EXOC4: variants seen among roughly 807,000 people sequenced by gnomAD.
The protein encoded by EXOC4 is SEC8-like 1.
In EXOC4, 71 loss-of-function variants were observed where a neutral mutation model predicts 107.2. The ratio of observed to expected loss-of-function variants is 0.66; its 90% CI spans 0.55 to 0.81. EXOC4 has a LOEUF of 0.81. EXOC4 is among the 30% of genes least tolerant of loss of function. EXOC4 has a pLI of 0.00. For synonymous variants in EXOC4, 456 were observed against 441.2 expected (o/e 1.03, Z -0.42); for missense variants, 1,108 against 1,189.6 (o/e 0.93, Z 1.01).
intron 10 of EXOC4, among the ~76,000 whole-genome samples, chr7:133,656,509 G>A (rs73150859): frequency 0.072 from 10,982 of 152,080 alleles, 426 homozygotes; most frequent in Middle Eastern, 0.13. Flanking sequence ...CTAGTAAAAT[G>A]GTGAGTGATC....
At chr7:133,289,185 G>T in intron 3 of EXOC4, 69 bp downstream of exon 3, 2 of 1,395,288 alleles carry the variant, frequency 1.4e-6, no homozygotes, top group Non-Finnish European at 2.0e-6. Flanking sequence ...TATTCTCTCT[G>T]AATCCTGTAA....
intron 14 of EXOC4, among the ~76,000 whole-genome samples, chr7:133,980,794 T>G (rs1429368326): frequency 7.2e-6 from 1 of 139,634 alleles, no homozygotes; most frequent in African/African-American, 2.6e-5. Context: ...AGCATCTATA[T>G]GAACTGTTAA....
chr7:133,857,167 T>C (rs1332107453), intron 11 of EXOC4, among the ~76,000 whole-genome samples: 15 of 13,016 alleles, frequency 1.2e-3, no homozygotes, highest in Non-Finnish European at 1.3e-3. Flanking sequence ...TATATATATA[T>C]ATATATATAT....
At chr7:133,802,067 A>G (rs1212048002) in intron 10 of EXOC4, among the ~76,000 whole-genome samples, 2 of 152,206 alleles carry the variant, frequency 1.3e-5, no homozygotes, top group Admixed American at 6.5e-5. Flanking sequence ...CCTGTGGACC[A>G]TGTATTTTAC....
intron 9 of EXOC4, among the ~76,000 whole-genome samples, chr7:133,545,942 A>G (rs1395389090): frequency 2.6e-5 from 4 of 152,170 alleles, no homozygotes; most frequent in Non-Finnish European, 2.9e-5. Context: ...CATTCGGGTT[A>G]CTATTTCCTG....
At chr7:133,710,173 G>A (rs934740676) in intron 10 of EXOC4, among the ~76,000 whole-genome samples, 4 of 152,176 alleles carry the variant, frequency 2.6e-5, no homozygotes, top group African/African-American at 7.2e-5. Context: ...AATGGTGATA[G>A]TCTGGGCTTC....
chr7:133,947,068 CA>C (rs1800568896), intron 14 of EXOC4, among the ~76,000 whole-genome samples: 2 of 152,148 alleles, frequency 1.3e-5, no homozygotes, highest in African/African-American at 4.8e-5. Context: ...AGGGTATAAC[CA>C]GGGGGAAACT....
intron 10 of EXOC4, among the ~76,000 whole-genome samples, chr7:133,705,145 C>G (rs926545679): frequency 2.0e-5 from 3 of 152,130 alleles, no homozygotes; most frequent in Non-Finnish European, 4.4e-5. Context: ...CAGTGGATCA[C>G]TTGAGGTCAG....
At chr7:134,033,513 C>A (rs1220335073) in intron 17 of EXOC4, among the ~76,000 whole-genome samples, 1 of 152,178 alleles carries the variant, frequency 6.6e-6, no homozygotes, top group Non-Finnish European at 1.5e-5. Context: ...CCAGGAACTC[C>A]CTCCCTCTAA....
chr7:133,898,135 T>C (rs1418298091), intron 12 of EXOC4, among the ~76,000 whole-genome samples: 1 of 152,084 alleles, frequency 6.6e-6, no homozygotes, highest in Non-Finnish European at 1.5e-5. Context: ...GCCTGGCCAT[T>C]GGATACATTT....
At chr7:133,582,965 G>A (rs926016782) in intron 9 of EXOC4, among the ~76,000 whole-genome samples, 1 of 152,098 alleles carries the variant, frequency 6.6e-6, no homozygotes, top group Non-Finnish European at 1.5e-5. Context: ...TCAGTATTAC[G>A]TATTCTTTAG....
chr7:134,060,188 A>C (rs981563045), intron 17 of EXOC4, among the ~76,000 whole-genome samples: 25 of 151,970 alleles, frequency 1.6e-4, no homozygotes, highest in African/African-American at 6.0e-4. Flanking sequence ...CTGTCACTCT[A>C]CTCCCTCACC....
chr7:133,832,756 T>C (rs1797836483), intron 11 of EXOC4, among the ~76,000 whole-genome samples: 1 of 152,220 alleles, frequency 6.6e-6, no homozygotes, highest in Admixed American at 6.5e-5. Flanking sequence ...ATAAAGCTGT[T>C]ATAAACACTT....
chr7:133,971,960 G>A (rs1438110764), intron 14 of EXOC4, among the ~76,000 whole-genome samples: 2 of 152,058 alleles, frequency 1.3e-5, no homozygotes, highest in Non-Finnish European at 2.9e-5. Flanking sequence ...AGGAATCCAG[G>A]GGTCTCAAGG....
intron 7 of EXOC4, among the ~76,000 whole-genome samples, chr7:133,440,365 CATTACCT>C (rs1258464609): frequency 6.6e-6 from 1 of 152,092 alleles, no homozygotes; most frequent in Non-Finnish European, 1.5e-5. Flanking sequence ...CCCACCCCCC[CATTACCT>C]ATTCAATTCT....
chr7:133,731,262 A>G (rs191131487), intron 10 of EXOC4, among the ~76,000 whole-genome samples: 1 of 152,282 alleles, frequency 6.6e-6, no homozygotes, highest in Non-Finnish European at 1.5e-5. Context: ...ACATTGTTAA[A>G]CAACCATGAA....
chr7:133,617,042 GT>G (rs1405209128), intron 9 of EXOC4, among the ~76,000 whole-genome samples: 1 of 152,090 alleles, frequency 6.6e-6, no homozygotes, highest in African/African-American at 2.4e-5. Flanking sequence ...TTATGTCAAA[GT>G]TAGACAGAGA....
rs530426253 is a variant in EXOC4 at position 133,472,351 on chromosome 7, T to A, written c.1183-2977T>A. Among the ~76,000 whole-genome samples, 245 of 151,974 alleles carry A rather than the reference T, an allele frequency of 1.6e-3. 1 individual carries two copies. Among genetic ancestry groups the A allele is most frequent in the African/African-American group, 5.6e-3 (231 of 41,460 alleles). Reference sequence around the variant, plus strand: ...CAGGAGTGGGCAAACTAATAGGGAGTTGAGGAACAGTCATTAATGATCTTG... The same window carrying A: ...CAGGAGTGGGCAAACTAATAGGGAGATGAGGAACAGTCATTAATGATCTTG... On this transcript the variant is annotated intron_variant, in intron 7 of 17. Transcript: ENST00000253861.
chr7:134,038,030 A>T (rs1185645683), intron 17 of EXOC4, among the ~76,000 whole-genome samples: 1 of 152,210 alleles, frequency 6.6e-6, no homozygotes. Flanking sequence ...TACCTTTAAA[A>T]GGTCAAGACC....
Sources: allele counts gnomAD v4.1 joint callset (sites outside exome capture counted in the v4.1 genomes callset), GRCh38; gene constraint gnomAD v4.1.1; transcripts MANE v1.5; gene names NCBI Gene and HGNC (gene_info 2026-07-23, HGNC 2026-07-21).